The following KAT6A variants were observed in gnomAD, a reference collection of about 807,000 sequenced individuals.
The protein encoded by KAT6A is lysine acetyltransferase 6A.
Under a neutral mutation model 198.4 loss-of-function variants are expected in KAT6A, and 9 were observed. That is an observed-to-expected ratio of 0.05 (90% CI 0.03 to 0.08). The LOEUF (loss-of-function observed/expected upper bound fraction) is 0.08. KAT6A is among the 10% of genes least tolerant of loss of function. The probability of loss-of-function intolerance (pLI) is 1.00; values close to 1 mark genes in which losing one functional copy is unlikely to be tolerated. For missense variants in KAT6A, 2,077 were observed against 2,509.9 expected (o/e 0.83, Z 3.69); for synonymous variants, 890 against 883.0 (o/e 1.01, Z -0.14).
Position 42,015,847 on chromosome 8 carries a change from A to C in KAT6A, c.601-28284T>G, listed in dbSNP as rs372380616. Among the ~76,000 whole-genome samples, 12 of 152,358 alleles carry C rather than the reference A, an allele frequency of 7.9e-5. No individual in the cohort carries two copies. In the East Asian group the frequency reaches 1.2e-3, roughly 15 times the overall value. ...AACAGCCAAAAAATCTGACGTTCACACAGGGATTTAAAAATAGCAAAGTTT... is the reference window on the plus strand; with the variant it reads ...AACAGCCAAAAAATCTGACGTTCACCCAGGGATTTAAAAATAGCAAAGTTT... On this transcript the variant is annotated intron_variant, in intron 2 of 16. Transcript: ENST00000265713.
intron 8 of KAT6A, chr8:41,957,281 G>A (rs375542812): frequency 2.1e-5 from 12 of 563,774 alleles, no homozygotes; most frequent in African/African-American, 1.3e-4. Context: ...GTGTGAGCCC[G>A]CCTCCACTCC....
At position 41,931,577 on chromosome 8, in the gene KAT6A, T is replaced by A. The variant is rs1475077201; in HGVS notation, c.*628A>T. The A allele has an allele frequency of 2.5e-5, 5 of 202,956 alleles. No homozygotes were observed. The highest frequency in any genetic ancestry group is 3.0e-5 in the Non-Finnish European group (3 of 98,846). The allele number at this position is 202,956 out of a possible 1,614,324, so 12.6% of individuals were successfully genotyped here. ...AAGGGTTTCAAGAGGTGTGTGTGTG[T>A]GAGGAGTGGAGGGGATTTTAAAAGG... On this transcript the variant is annotated 3_prime_UTR_variant, in exon 17 of 17. Transcript: ENST00000265713.
At chr8:41,935,544 ATAT>A (rs1371353990) in intron 16 of KAT6A, among the ~76,000 whole-genome samples, 1 of 152,246 alleles carries the variant, frequency 6.6e-6, no homozygotes, top group Non-Finnish European at 1.5e-5. Flanking sequence ...AATAAATTTT[ATAT>A]TATTAGCATT....
intron 2 of KAT6A, among the ~76,000 whole-genome samples, chr8:42,037,264 A>G (rs997027907): frequency 2.6e-5 from 4 of 152,324 alleles, no homozygotes; most frequent in South Asian, 4.1e-4. Context: ...AGAATTAAAG[A>G]AAAACTGAGT....
At position 41,932,705 on chromosome 8, in the gene KAT6A, T is replaced by C. The variant is rs780524430; in HGVS notation, c.5515A>G (p.Ile1839Val). Reference sequence around the variant, plus strand: ...CCTTGCAATCTCTGCGTGTGAGGAATGCCAATGTTGGTGGCAGACATGTTG... The same window carrying C: ...CCTTGCAATCTCTGCGTGTGAGGAACGCCAATGTTGGTGGCAGACATGTTG... The part of the protein sequence containing the change: ...QCNMSATNIG[I>V]PHTQRLQGQM... The change falls in exon 17 of 17, where the codon ATT (isoleucine) becomes GTT (valine). Residue 1839 changes from isoleucine (I) to valine (V), a missense_variant. Around this residue, in one of 13 missense-constraint regions of KAT6A, gnomAD observed 500 missense variants for 577.2 expected, o/e 0.87. Transcript: ENST00000265713. 50 of 1,614,132 alleles carry C rather than the reference T, an allele frequency of 3.1e-5. No homozygotes were observed. The highest frequency in any genetic ancestry group is 4.2e-5 in the Non-Finnish European group (50 of 1,180,054).
rs1329389354 is a variant in KAT6A at position 41,932,716 on chromosome 8, G to A, written c.5504C>T (p.Thr1835Ile). ...CTGCGTGTGAGGAATGCCAATGTTG[G>A]TGGCAGACATGTTGCACTGAAGCAG... The part of the protein sequence containing the change: ...SPLLQCNMSA[T>I]NIGIPHTQRL... The change falls in exon 17 of 17, where the codon ACC (threonine) becomes ATC (isoleucine). Residue 1835 changes from threonine to isoleucine, a missense_variant. Thr to Ile is a moderately conservative substitution (Grantham distance 89, BLOSUM62 -1). Coordinates refer to ENST00000265713, the MANE Select transcript of KAT6A (RefSeq NM_006766.5). 6.2e-7 allele frequency: 1 copy of A among 1,614,242 alleles called. No homozygotes were observed. The highest frequency in any genetic ancestry group is 8.5e-7 in the Non-Finnish European group (1 of 1,180,040).
rs113809048 is a variant in KAT6A at position 41,934,560 on chromosome 8, G to C, written c.3660C>G (p.Pro1220=). 1 of 1,613,814 alleles carries C rather than the reference G, an allele frequency of 6.2e-7. No homozygotes were observed. Among genetic ancestry groups the C allele is most frequent in the Non-Finnish European group, 8.5e-7 (1 of 1,179,958 alleles). ...TVEPKEDMPL[P]EERKEEEEMQ... is the part of the protein sequence containing the mutation. ...TCTCCTCCTCCTCCTTCCTCTCCTCGGGTAGGGGCATGTCTTCTTTTGGCT... is the reference window on the plus strand; with the variant it reads ...TCTCCTCCTCCTCCTTCCTCTCCTCCGGTAGGGGCATGTCTTCTTTTGGCT... Residue 1220 remains proline, a synonymous_variant, in exon 17 of 17, where the codon CCC becomes CCG. Coordinates refer to ENST00000265713, the MANE Select transcript of KAT6A (RefSeq NM_006766.5).
rs756145988 is a variant in KAT6A, at chr8:41,987,582, T to C, written c.601-19A>G. ...CAACCGGCTGTGAAGAAAAACACAA[T>C]TCATTCCAGTACTAATACTTTTATT... On this transcript the variant is annotated intron_variant, in intron 2 of 16. Coordinates refer to ENST00000265713, the MANE Select transcript of KAT6A (RefSeq NM_006766.5). The C allele has an allele frequency of 2.2e-6, 3 of 1,348,132 alleles. No individual in the cohort carries two copies. Among genetic ancestry groups the C allele is most frequent in the Non-Finnish European group, 3.2e-6 (3 of 939,232 alleles). The allele number at this position is 1,348,132 out of a possible 1,614,324, so 83.5% of individuals were successfully genotyped here.
chr8:41,930,410 G>A lies in KAT6A; in HGVS notation c.*1795C>T, dbSNP rs537661413. ...TTGCACATGCTCAGAGCTGAGAGCG[G>A]GAAGATGTGGAATTCTGCGTTTCTA... On this transcript the variant is annotated 3_prime_UTR_variant, in exon 17 of 17. Transcript: ENST00000265713. 1 of 225,260 alleles carries A rather than the reference G, an allele frequency of 4.4e-6. No homozygotes were observed. The highest frequency in any genetic ancestry group is 2.2e-5 in the African/African-American group (1 of 44,854). The allele number at this position is 225,260 out of a possible 1,614,324, so 14.0% of individuals were successfully genotyped here.
intron 3 of KAT6A, 108 bp from the exon 4 acceptor site, chr8:41,982,062 A>G (rs1824381965): frequency 1.5e-6 from 1 of 659,612 alleles, no homozygotes; most frequent in Non-Finnish European, 2.7e-6. Context: ...TACAAAATAT[A>G]TATCAAATAA....
Position 41,981,955 on chromosome 8 carries a change from C to CTGTT in KAT6A, c.710-2_710-1insAACA, listed in dbSNP as rs1237828216. On this transcript the variant is annotated splice_acceptor_variant, in intron 3 of 16. Transcript: ENST00000265713. LOFTEE classifies it high-confidence loss of function. ...GAAAACTTTAAACAGGATGGATGGC[C>CTGTT]TAATACGAGGGAGAACATTCATGAA... 1.1e-5 allele frequency: 17 copies of CTGTT among 1,564,562 alleles called. No individual in the cohort carries two copies. Among genetic ancestry groups the CTGTT allele is most frequent in the Non-Finnish European group, 1.5e-5 (17 of 1,135,446 alleles).
rs749175939 is a variant in KAT6A, at chr8:41,932,156, G to T, written c.*49C>A. The T allele has an allele frequency of 1.2e-5, 17 of 1,423,884 alleles. No homozygotes were observed. Among genetic ancestry groups the T allele is most frequent in the African/African-American group, 1.4e-5 (1 of 69,432 alleles). The allele number at this position is 1,423,884 out of a possible 1,614,324, so 88.2% of individuals were successfully genotyped here. A position where few individuals can be genotyped will look rare whatever the true frequency, so the allele number is the denominator to read the frequency against. On this transcript the variant is annotated 3_prime_UTR_variant, in exon 17 of 17. Transcript: ENST00000265713. ...TTTCTCTGGTTTGTCAGTATAAAAG[G>T]TTCCTTTATTTATATATATTTAAGT...
At position 41,934,235 on chromosome 8, in the gene KAT6A, T is replaced by C. The variant is rs1291336727; in HGVS notation, c.3985A>G (p.Lys1329Glu). Reference sequence around the variant, plus strand: ...GTGGGCTGTTCCTCTAGCTCCTTTTTCTTTGTGGACTCCAGGTGGCCATCA... The same window carrying C: ...GTGGGCTGTTCCTCTAGCTCCTTTTCCTTTGTGGACTCCAGGTGGCCATCA... ...EDDGHLESTK[K>E]KELEEQPTRE... Residue 1329 changes from lysine (K) to glutamate (E), a missense_variant, in exon 17 of 17, where the codon AAA (lysine) becomes GAA (glutamate). Physicochemically the swap from Lys to Glu is moderately conservative, Grantham distance 56. Around this residue, in one of 13 missense-constraint regions of KAT6A, gnomAD observed 375 missense variants for 383.0 expected, o/e 0.98. Coordinates refer to ENST00000265713, the MANE Select transcript of KAT6A (RefSeq NM_006766.5). 1.2e-6 allele frequency: 2 copies of C among 1,614,120 alleles called. No individual in the cohort carries two copies. The highest frequency in any genetic ancestry group is 3.3e-4 in the Middle Eastern group (2 of 6,062).
In KAT6A at chr8:42,051,919, A is replaced by G. The variant is rs1024671279; in HGVS notation, c.-344T>C. 1.9e-4 allele frequency: 29 copies of G among 149,800 alleles called. No individual in the cohort carries two copies. The highest frequency in any genetic ancestry group is 6.2e-4 in the African/African-American group (25 of 40,570). 9.3% of individuals were successfully genotyped at this position (149,800 alleles called of 1,614,324 possible). ...TACTTACCGGGAGGAAGGACAGCCG[A>G]GATCCCGGGGCCCCGGGCCGGACCG... On this transcript the variant is annotated 5_prime_UTR_variant, in exon 1 of 17. Coordinates refer to ENST00000265713, the MANE Select transcript of KAT6A (RefSeq NM_006766.5).
chr8:42,025,364 AC>A (rs1250719909), intron 2 of KAT6A, among the ~76,000 whole-genome samples: 3 of 136,804 alleles, frequency 2.2e-5, no homozygotes, highest in South Asian at 4.2e-4. Flanking sequence ...GGTGCCCACC[AC>A]CATGCCTGGC....
chr8:42,048,076 AAAT>A (rs1802404692), intron 2 of KAT6A, among the ~76,000 whole-genome samples: 1 of 152,102 alleles, frequency 6.6e-6, no homozygotes, highest in South Asian at 2.1e-4. Flanking sequence ...TCCTCAAGCA[AAAT>A]AATAAAAAAA....
chr8:41,992,712 G>A (rs1489216626), intron 2 of KAT6A, among the ~76,000 whole-genome samples: 3 of 152,184 alleles, frequency 2.0e-5, no homozygotes, highest in African/African-American at 7.2e-5. Context: ...AGCAATCACT[G>A]AAGAGAAGCC....
At chr8:41,978,429 G>C (rs1381710327) in intron 6 of KAT6A, among the ~76,000 whole-genome samples, 2 of 152,146 alleles carry the variant, frequency 1.3e-5, no homozygotes, top group African/African-American at 2.4e-5. Flanking sequence ...TATTTCACTG[G>C]GTTGTTGGCA....
intron 2 of KAT6A, among the ~76,000 whole-genome samples, chr8:42,031,307 T>C (rs903925503): frequency 6.6e-6 from 1 of 152,192 alleles, no homozygotes; most frequent in Non-Finnish European, 1.5e-5. Flanking sequence ...ACAAATACTA[T>C]CTTGAAGGAA....
Sources: allele counts gnomAD v4.1 joint callset (sites outside exome capture counted in the v4.1 genomes callset), GRCh38; gene constraint gnomAD v4.1.1; regional missense constraint gnomAD v4.1.1; transcripts MANE v1.5; gene names NCBI Gene and HGNC (gene_info 2026-07-23, HGNC 2026-07-21).